RBM41: variants seen among roughly 807,000 people sequenced by gnomAD.
RBM41 encodes the protein RNA-binding protein 41.
RBM41 carries 14 observed loss-of-function variants against 30.8 expected under a neutral mutation model. The observed-to-expected ratio is 0.45, with a 90% CI of 0.30 to 0.71. The LOEUF (loss-of-function observed/expected upper bound fraction) is 0.71, where lower values mean the gene tolerates loss of function less well. Ranked by LOEUF, RBM41 falls within the 30% of genes least tolerant of loss-of-function variation. The pLI, the probability that RBM41 is intolerant of heterozygous loss-of-function variation, is 0.08. For missense variants in RBM41, 276 were observed against 326.3 expected (o/e 0.85, Z 1.19); for synonymous variants, 120 against 110.1 (o/e 1.09, Z -0.56).
At chrX:107,107,998 A>G (rs1247839173) in intron 5 of RBM41, among the ~76,000 whole-genome samples, 1 of 111,588 alleles carries the variant, frequency 9.0e-6, no homozygotes, top group Non-Finnish European at 1.9e-5. Flanking sequence ...TGGGATATGT[A>G]TAACTCCAGA....
intron 6 of RBM41, among the ~76,000 whole-genome samples, chrX:107,075,440 C>G (rs1936194887): frequency 9.0e-6 from 1 of 111,584 alleles, no homozygotes; most frequent in Non-Finnish European, 1.9e-5. Flanking sequence ...CCCTGCACAG[C>G]AAAGGAAACA....
At chrX:107,079,481 A>G (rs765989458) in intron 6 of RBM41, among the ~76,000 whole-genome samples, 2 of 111,820 alleles carry the variant, frequency 1.8e-5, no homozygotes, top group South Asian at 3.7e-4. Flanking sequence ...GCTTATGTGA[A>G]GTTCCATTTG....
chrX:107,054,590 T>C, the RBM41 span, among the ~76,000 whole-genome samples: 3 of 111,779 alleles, frequency 2.7e-5, no homozygotes, highest in African/African-American at 9.8e-5. Context: ...TATTTCGCCG[T>C]ACCTGGGAAT....
At chrX:107,098,664 AC>A in intron 5 of RBM41, among the ~76,000 whole-genome samples, 1 of 111,819 alleles carries the variant, frequency 8.9e-6, no homozygotes, top group East Asian at 2.8e-4. Flanking sequence ...TGGATTAAAG[AC>A]TTAAATGTGA....
chrX:107,118,338 C>CAG (rs768490863), intron 1 of RBM41, among the ~76,000 whole-genome samples: 187 of 111,174 alleles, frequency 1.7e-3, no homozygotes, highest in Non-Finnish European at 3.4e-3. Context: ...CTTTAACACA[C>CAG]AGACGTTGCA....
chrX:107,118,628 C>T, intron 1 of RBM41, 138 bp downstream of exon 1: 1 of 840,487 alleles, frequency 1.2e-6, no homozygotes, highest in Non-Finnish European at 1.8e-6. Context: ...CTCCCGTCTC[C>T]TTTGTCGTGT....
chrX:107,113,250 T>C, intron 5 of RBM41, 147 bp downstream of exon 5: 1 of 707,720 alleles, frequency 1.4e-6, no homozygotes. Flanking sequence ...ACTCCTCTCT[T>C]TAATATTCTG....
Position 107,088,801 on chromosome X carries a change from T to G in RBM41, c.634A>C (p.Asn212His). The G allele has an allele frequency of 8.3e-7, 1 of 1,210,212 alleles. No homozygotes were observed. The highest frequency in any genetic ancestry group is 1.7e-5 in the African/African-American group (1 of 57,683). Reference sequence around the variant, plus strand: ...ATCTCTTGGTAAAAACTTTCCAGGTTGTTCATGGGATCACCTTTGTTCTTC... The same window carrying G: ...ATCTCTTGGTAAAAACTTTCCAGGTGGTTCATGGGATCACCTTTGTTCTTC... ...QKKNKGDPMN[N>H]LESFYQEMIM... is the part of the protein sequence containing the mutation. The change falls in exon 6 of 8, where the codon AAC becomes CAC. Residue 212 changes from asparagine to histidine, a missense_variant. Physicochemically the swap from Asn to His is moderately conservative, Grantham distance 68. Coordinates refer to ENST00000685964, the MANE Select transcript of RBM41 (RefSeq NM_001324242.2).
chrX:107,116,609 AAG>A, intron 2 of RBM41, 39 bp downstream of exon 2: 3 of 1,196,181 alleles, frequency 2.5e-6, no homozygotes, highest in Non-Finnish European at 3.4e-6. Context: ...ACCTGGAGGT[AAG>A]AGTCTATGAT....
chrX:107,076,913 A>G (rs957744738), intron 6 of RBM41, among the ~76,000 whole-genome samples: 2 of 111,835 alleles, frequency 1.8e-5, no homozygotes. Context: ...CAAGTAGTAG[A>G]ATCTTTAAGT....
intron 1 of RBM41, among the ~76,000 whole-genome samples, chrX:107,117,454 A>C (rs1356111982): frequency 9.0e-6 from 1 of 111,692 alleles, no homozygotes; most frequent in African/African-American, 3.3e-5. Flanking sequence ...AATGGAAAGA[A>C]AGGGTTAGAT....
At chrX:107,053,336 C>T in the RBM41 span, among the ~76,000 whole-genome samples, 1 of 113,216 alleles carries the variant, frequency 8.8e-6, no homozygotes, top group Non-Finnish European at 1.9e-5. Flanking sequence ...AAAAATATTC[C>T]TGAGGGTAGG....
chrX:107,106,078 G>C, intron 5 of RBM41, among the ~76,000 whole-genome samples: 1 of 111,850 alleles, frequency 8.9e-6, no homozygotes, highest in South Asian at 3.7e-4. Flanking sequence ...AGAGTGAACA[G>C]GCAATCTACA....
chrX:107,072,984 A>G (rs1936116431), intron 6 of RBM41, among the ~76,000 whole-genome samples: 2 of 111,305 alleles, frequency 1.8e-5, no homozygotes, highest in African/African-American at 6.5e-5. Context: ...TCCTATACAA[A>G]AATCAACTCA....
In RBM41 at chrX:107,066,636, G is replaced by C; in HGVS notation, c.*891C>G. 1.6e-6 allele frequency: 1 copy of C among 635,295 alleles called. No individual in the cohort carries two copies. Among genetic ancestry groups the C allele is most frequent in the Non-Finnish European group, 1.9e-6 (1 of 531,446 alleles). 52.4% of individuals were successfully genotyped at this position (635,295 alleles called of 1,213,427 possible). A position where few individuals can be genotyped will look rare whatever the true frequency, so the allele number is the denominator to read the frequency against. ...AGGTCATAGAATGTTAAGTGTGGCTGTACAGGTCTGACTCCAGTTTGTACT... is the reference window on the plus strand; with the variant it reads ...AGGTCATAGAATGTTAAGTGTGGCTCTACAGGTCTGACTCCAGTTTGTACT... On this transcript the variant is annotated 3_prime_UTR_variant, in exon 8 of 8. Coordinates refer to ENST00000685964, the MANE Select transcript of RBM41 (RefSeq NM_001324242.2).
At chrX:107,101,583 G>A (rs1317692964) in intron 5 of RBM41, among the ~76,000 whole-genome samples, 2 of 111,766 alleles carry the variant, frequency 1.8e-5, no homozygotes, top group Non-Finnish European at 3.8e-5. Context: ...TCTAAGAACT[G>A]CCAGCAAACA....
In RBM41 at chrX:107,067,237, A is replaced by G; in HGVS notation, c.*290T>C. 4 of 818,403 alleles carry G rather than the reference A, an allele frequency of 4.9e-6. No individual in the cohort carries two copies. The highest frequency in any genetic ancestry group is 5.9e-6 in the Non-Finnish European group (4 of 678,991). 67.4% of individuals were successfully genotyped at this position (818,403 alleles called of 1,213,427 possible). ...ATATTGAGGACCCCAGAAAAATTATAAAGATTTTTAAAAATCCTTAGGAAT... is the reference window on the plus strand; with the variant it reads ...ATATTGAGGACCCCAGAAAAATTATGAAGATTTTTAAAAATCCTTAGGAAT... On this transcript the variant is annotated 3_prime_UTR_variant, in exon 8 of 8. Transcript: ENST00000685964.
the RBM41 span, among the ~76,000 whole-genome samples, chrX:107,053,026 T>C: frequency 8.9e-6 from 1 of 112,051 alleles, no homozygotes; most frequent in Admixed American, 9.5e-5. Context: ...GTTAAGTTGA[T>C]CTTGCAAGGT....
chrX:107,065,559 C>T lies in RBM41; in HGVS notation c.*1968G>A, dbSNP rs1386892474. ...TTATTCCTATACATTACAAACCCAA[C>T]ACACATTATTATAATTACTTAATAT... is the stretch of plus-strand genomic sequence containing the variant. On this transcript the variant is annotated 3_prime_UTR_variant, in exon 8 of 8. Transcript: ENST00000685964. 5.9e-6 allele frequency: 2 copies of T among 339,336 alleles called. No individual in the cohort carries two copies. The highest frequency in any genetic ancestry group is 5.4e-5 in the African/African-American group (2 of 37,300). 28.0% of individuals were successfully genotyped at this position (339,336 alleles called of 1,213,427 possible). A position where few individuals can be genotyped will look rare whatever the true frequency, so the allele number is the denominator to read the frequency against.
Sources: gnomAD v4.1 joint callset for allele counts (sites outside exome capture counted in the v4.1 genomes callset) on GRCh38, gnomAD v4.1.1 for gene constraint, MANE v1.5 for transcripts, NCBI Gene and HGNC (gene_info 2026-07-23, HGNC 2026-07-21) for gene names.